The following PREX1 variants were observed in gnomAD, a reference collection of about 807,000 sequenced individuals.
The protein encoded by PREX1 is phosphatidylinositol-3,4,5-trisphosphate dependent Rac exchange factor 1, also known as phosphatidylinositol 3,4,5-trisphosphate-dependent Rac exchanger 1 protein.
In PREX1, 41 loss-of-function variants were observed where a neutral mutation model predicts 198.3. The ratio of observed to expected loss-of-function variants is 0.21; its 90% confidence interval spans 0.16 to 0.27. PREX1 has a LOEUF of 0.27. Among genes scored for constraint, PREX1 ranks in the 10% least tolerant of loss-of-function variants. PREX1 has a pLI of 1.00. For missense variants in PREX1, 1,620 were observed against 2,200.7 expected (o/e 0.74, Z 5.28); for synonymous variants, 843 against 887.2 (o/e 0.95, Z 0.89).
rs2090515090 is a variant in PREX1 at position 48,827,528 on chromosome 20, G to A, written c.219+114C>T. ...CCCCCGCTTTCCGCGCGCCCTGCGG[G>A]GCGCCCCCGAGGCAATTCTCCACCC... On this transcript the variant is annotated intron_variant, in intron 1 of 39. Coordinates refer to ENST00000371941, the MANE Select transcript of PREX1 (RefSeq NM_020820.4). This position sits in a 1 kb window ranked among gnomAD's most constrained non-coding sequence, Gnocchi z 4.1. 3.7e-6 allele frequency: 3 copies of A among 813,130 alleles called. No homozygotes were observed. Among genetic ancestry groups the A allele is most frequent in the South Asian group, 6.0e-5 (1 of 16,752 alleles). The allele number at this position is 813,130 out of a possible 1,614,324, so 50.4% of individuals were successfully genotyped here.
At chr20:48,841,198 C>A in the PREX1 span, among the ~76,000 whole-genome samples, 46,107 of 152,044 alleles carry the variant, frequency 0.3, 7,111 homozygotes, top group Non-Finnish European at 0.32. Flanking sequence ...CTTGGATTAC[C>A]GATGGGAGCC....
the PREX1 span, among the ~76,000 whole-genome samples, chr20:48,870,164 T>C: frequency 4.6e-5 from 7 of 152,206 alleles, no homozygotes; most frequent in South Asian, 1.2e-3. Flanking sequence ...TGTCCCCTCA[T>C]AGTGGTTGTA....
chr20:48,721,240 GGGA>G (rs1568838827), intron 5 of PREX1, among the ~76,000 whole-genome samples: 1 of 152,176 alleles, frequency 6.6e-6, no homozygotes, highest in Non-Finnish European at 1.5e-5. Context: ...CCTGCCCTTG[GGGA>G]GCTGATGTCT....
chr20:48,767,960 T>C (rs1369052671), intron 1 of PREX1, among the ~76,000 whole-genome samples: 1 of 152,222 alleles, frequency 6.6e-6, no homozygotes, highest in Non-Finnish European at 1.5e-5. Flanking sequence ...AGTGTTGTTC[T>C]ATGCATTTTG....
At chr20:48,679,933 TG>T (rs367967049) in intron 11 of PREX1, among the ~76,000 whole-genome samples, 179 bp from the exon 12 acceptor site, 146 of 151,748 alleles carry the variant, frequency 9.6e-4, no homozygotes, top group African/African-American at 3.4e-3. Context: ...ACGAGGTGGG[TG>T]CTATGACTTC....
chr20:48,801,863 G>A (rs1264067121), intron 1 of PREX1, among the ~76,000 whole-genome samples: 1 of 152,118 alleles, frequency 6.6e-6, no homozygotes, highest in African/African-American at 2.4e-5. Context: ...TCTCACTCTG[G>A]GGAGTCTGGA....
chr20:48,748,826 T>C (rs2090121317), intron 1 of PREX1, among the ~76,000 whole-genome samples: 2 of 152,160 alleles, frequency 1.3e-5, no homozygotes, highest in Non-Finnish European at 2.9e-5. Context: ...ATTTGGGTGT[T>C]GTTGTGGTTT....
intron 1 of PREX1, among the ~76,000 whole-genome samples, chr20:48,788,657 C>T (rs971982460): frequency 8.5e-5 from 13 of 152,186 alleles, no homozygotes; most frequent in Non-Finnish European, 1.5e-4. Flanking sequence ...TTTTCAGTCA[C>T]TGCTATGGTT....
At chr20:48,819,634 C>T (rs1207507024) in intron 1 of PREX1, among the ~76,000 whole-genome samples, 3 of 152,192 alleles carry the variant, frequency 2.0e-5, no homozygotes, top group Non-Finnish European at 4.4e-5. Context: ...GGAGTTGCTG[C>T]AAGGGCTCAA....
chr20:48,722,140 A>G (rs184632665), intron 5 of PREX1, among the ~76,000 whole-genome samples: 140 of 152,338 alleles, frequency 9.2e-4, no homozygotes, highest in Non-Finnish European at 1.5e-3. Flanking sequence ...GGGAATGTCC[A>G]CACAAATCCT....
At chr20:48,771,948 C>CT (rs1309683212) in intron 1 of PREX1, among the ~76,000 whole-genome samples, 1 of 152,190 alleles carries the variant, frequency 6.6e-6, no homozygotes, top group African/African-American at 2.4e-5. Context: ...AATCCCAGCA[C>CT]TTTGAGAGGC....
chr20:48,755,898 T>C (rs2090154126), intron 1 of PREX1, among the ~76,000 whole-genome samples: 1 of 152,230 alleles, frequency 6.6e-6, no homozygotes, highest in South Asian at 2.1e-4. Flanking sequence ...AAAAGTCATT[T>C]TTAACATAAA....
intron 36 of PREX1, among the ~76,000 whole-genome samples, chr20:48,629,944 A>C (rs2089300791): frequency 1.3e-5 from 2 of 152,088 alleles, no homozygotes; most frequent in Non-Finnish European, 2.9e-5. Context: ...CCAGCCTGTC[A>C]AGACCAACAC....
chr20:48,634,144 G>GTGGGTGGA (rs2089340682), intron 33 of PREX1, among the ~76,000 whole-genome samples: 1 of 120,200 alleles, frequency 8.3e-6, no homozygotes, highest in African/African-American at 2.9e-5. Flanking sequence ...ACATGGGTGG[G>GTGGGTGGA]TGGATGGATG....
intron 25 of PREX1, among the ~76,000 whole-genome samples, chr20:48,647,792 C>T (rs979733481): frequency 5.3e-5 from 8 of 152,144 alleles, no homozygotes; most frequent in Non-Finnish European, 4.4e-5. Flanking sequence ...TTCCATCATA[C>T]ACAAAAGTAG....
intron 3 of PREX1, among the ~76,000 whole-genome samples, chr20:48,743,494 C>A (rs554059846): frequency 1.3e-5 from 2 of 152,184 alleles, no homozygotes; most frequent in Non-Finnish European, 2.9e-5. Context: ...GGCCTGTGGA[C>A]CACTTCCCTC....
chr20:48,806,057 T>C (rs1265119058), intron 1 of PREX1, among the ~76,000 whole-genome samples: 1 of 152,178 alleles, frequency 6.6e-6, no homozygotes, highest in African/African-American at 2.4e-5. Flanking sequence ...CTAGGCACTG[T>C]AGGACGTTCA....
At chr20:48,790,066 C>T (rs2090331321) in intron 1 of PREX1, among the ~76,000 whole-genome samples, 1 of 152,176 alleles carries the variant, frequency 6.6e-6, no homozygotes, top group African/African-American at 2.4e-5. Flanking sequence ...AGTCAGACTG[C>T]TGGTTCATGA....
At chr20:48,715,537 G>A (rs2089958159) in intron 5 of PREX1, among the ~76,000 whole-genome samples, 2 of 152,156 alleles carry the variant, frequency 1.3e-5, no homozygotes, top group African/African-American at 4.8e-5. Flanking sequence ...GTGGGGCCTT[G>A]CACAAGTGGC....
Sources: gnomAD v4.1 joint callset for allele counts (sites outside exome capture counted in the v4.1 genomes callset) on GRCh38, gnomAD v4.1.1 for gene constraint, Gnocchi (gnomAD v3.1) non-coding constraint, MANE v1.5 for transcripts, NCBI Gene and HGNC (gene_info 2026-07-23, HGNC 2026-07-21) for gene names.